The following PTPRM variants were observed in gnomAD, a reference collection of about 807,000 sequenced individuals.
The protein encoded by PTPRM is receptor-type tyrosine-protein phosphatase mu.
A neutral mutation model predicts 186.7 loss-of-function variants in PTPRM; 47 were observed. The ratio of observed to expected loss-of-function variants is 0.25; its 90% CI spans 0.20 to 0.32. PTPRM has a LOEUF of 0.32. Ranked by LOEUF, PTPRM falls within the 10% of genes least tolerant of loss-of-function variation. PTPRM has a pLI of 1.00. For synonymous variants in PTPRM, 668 were observed against 674.9 expected (o/e 0.99, Z 0.16); for missense variants, 1,494 against 1,865.0 (o/e 0.80, Z 3.66).
At chr18:7,848,742 G>A (rs528800343) in intron 2 of PTPRM, among the ~76,000 whole-genome samples, 1 of 152,266 alleles carries the variant, frequency 6.6e-6, no homozygotes, top group South Asian at 2.1e-4. Context: ...CAGCCTGTGT[G>A]ACAGACCAAA....
intron 2 of PTPRM, among the ~76,000 whole-genome samples, chr18:7,817,475 CCTG>C (rs1568172657): frequency 1.3e-5 from 2 of 152,146 alleles, no homozygotes; most frequent in Admixed American, 6.5e-5. Flanking sequence ...TTGTACTACT[CCTG>C]CTCTTTTCTA....
chr18:8,039,269 A>G (rs1378396524), intron 7 of PTPRM, among the ~76,000 whole-genome samples: 1 of 152,130 alleles, frequency 6.6e-6, no homozygotes, highest in Non-Finnish European at 1.5e-5. Flanking sequence ...AGATTACTGT[A>G]TTTCTCTCCT....
At chr18:8,390,961 AT>A in intron 31 of PTPRM, among the ~76,000 whole-genome samples, 3 of 149,812 alleles carry the variant, frequency 2.0e-5, no homozygotes, top group African/African-American at 7.3e-5. Context: ...AATAATAATA[AT>A]AATAATAAAG....
rs1200252394 is a variant in PTPRM, at chr18:7,947,609, A to T, written c.664-1572A>T. Among the ~76,000 whole-genome samples, 3 of 152,236 alleles carry T rather than the reference A, an allele frequency of 2.0e-5. No homozygotes were observed. The East Asian group carries it at 5.8e-4, about 29-fold the overall frequency. Reference sequence around the variant, plus strand: ...TAGCTCCACTGGCTGCCTTAACTTCATCCAAAGCCTTCATCTCTTTCTCAC... The same window carrying T: ...TAGCTCCACTGGCTGCCTTAACTTCTTCCAAAGCCTTCATCTCTTTCTCAC... On this transcript the variant is annotated intron_variant, in intron 5 of 32. Coordinates refer to ENST00000580170, the MANE Select transcript of PTPRM (RefSeq NM_001105244.2).
At chr18:8,142,328 G>A (rs1363236857) in intron 13 of PTPRM, among the ~76,000 whole-genome samples, 1 of 152,088 alleles carries the variant, frequency 6.6e-6, no homozygotes, top group East Asian at 1.9e-4. Context: ...CTTCTTCCCT[G>A]ACCTTGACTC....
intron 2 of PTPRM, among the ~76,000 whole-genome samples, chr18:7,851,556 C>G (rs1053683141): frequency 5.9e-5 from 9 of 151,636 alleles, no homozygotes; most frequent in African/African-American, 2.2e-4. Flanking sequence ...CTGCAAGGTA[C>G]AGAAAGGAAA....
In PTPRM at chr18:7,767,903, G is replaced by GTTAAT. The variant is rs200136073; in HGVS notation, c.74-6246_74-6245insTTAAT. ...CAGGGCTGGATGGTTTGTGGAGGAA[G>GTTAAT]GTTAAGATTGTTTTTGTTGTTCAGA... is the stretch of plus-strand genomic sequence containing the variant. On this transcript the variant is annotated intron_variant, in intron 1 of 32. Coordinates refer to ENST00000580170, the MANE Select transcript of PTPRM (RefSeq NM_001105244.2). Among the ~76,000 whole-genome samples the GTTAAT allele has an allele frequency of 1.9e-3, 294 of 152,244 alleles. 6 individuals carry two copies. The East Asian group carries it at 0.032, about 17-fold the overall frequency.
At chr18:8,172,110 G>A (rs2093409986) in intron 14 of PTPRM, among the ~76,000 whole-genome samples, 1 of 152,046 alleles carries the variant, frequency 6.6e-6, no homozygotes, top group Non-Finnish European at 1.5e-5. Flanking sequence ...GCAATATAAA[G>A]ACATACCCGA....
chr18:7,953,975 TAC>T (rs2053146251), intron 6 of PTPRM, among the ~76,000 whole-genome samples: 1 of 152,152 alleles, frequency 6.6e-6, no homozygotes, highest in South Asian at 2.1e-4. Flanking sequence ...CACCCATAGA[TAC>T]AGTCTTGAAA....
At chr18:7,729,989 G>GA (rs537926973) in intron 1 of PTPRM, among the ~76,000 whole-genome samples, 28 of 151,862 alleles carry the variant, frequency 1.8e-4, no homozygotes, top group Non-Finnish European at 3.8e-4. Context: ...AATATTTATG[G>GA]AAAAAAAATC....
At chr18:8,321,020 C>G (rs1172993567) in intron 22 of PTPRM, among the ~76,000 whole-genome samples, 3 of 152,112 alleles carry the variant, frequency 2.0e-5, no homozygotes, top group African/African-American at 7.2e-5. Flanking sequence ...ATCTCCTAAC[C>G]CTGCTGCTTC....
intron 2 of PTPRM, among the ~76,000 whole-genome samples, chr18:7,858,889 C>T (rs147091273): frequency 1.2e-4 from 19 of 152,160 alleles, no homozygotes; most frequent in African/African-American, 3.9e-4. Flanking sequence ...TCCCAGTGGA[C>T]GATTAGCTAG....
intron 7 of PTPRM, among the ~76,000 whole-genome samples, chr18:8,018,305 G>A (rs1261557772): frequency 6.6e-6 from 1 of 152,124 alleles, no homozygotes; most frequent in Non-Finnish European, 1.5e-5. Context: ...ATAATATTAG[G>A]TATTTGGGGG....
At chr18:7,585,763 C>T (rs116929671) in intron 1 of PTPRM, among the ~76,000 whole-genome samples, 3,367 of 152,224 alleles carry the variant, frequency 0.022, 81 homozygotes, top group East Asian at 0.12. Flanking sequence ...GTGGCCAGGC[C>T]GCTTGTCATC....
Position 7,668,997 on chromosome 18 carries a change from T to C in PTPRM, c.73+101106T>C, listed in dbSNP as rs984246883. Among the ~76,000 whole-genome samples the C allele has an allele frequency of 2.6e-5, 4 of 152,000 alleles. No individual in the cohort carries two copies. The highest frequency in any genetic ancestry group is 5.9e-5 in the Non-Finnish European group (4 of 67,992). The stretch of plus-strand genomic sequence containing the variant: ...ATAGTAGGAGCTCTATAAACATTTG[T>C]TGAATGAGTGAATGACTGAGTTTCC... On this transcript the variant is annotated intron_variant, in intron 1 of 32. Coordinates refer to ENST00000580170, the MANE Select transcript of PTPRM (RefSeq NM_001105244.2). This position sits in a 1 kb window ranked among gnomAD's most constrained non-coding sequence, Gnocchi z 4.7.
At chr18:7,680,860 TC>T (rs568438890) in intron 1 of PTPRM, among the ~76,000 whole-genome samples, 59 of 152,320 alleles carry the variant, frequency 3.9e-4, no homozygotes, top group African/African-American at 1.3e-3. Flanking sequence ...GTGTTGCTTT[TC>T]CTTCCCCCAC....
chr18:8,368,153 A>G (rs1364178534), intron 23 of PTPRM, among the ~76,000 whole-genome samples: 1 of 151,392 alleles, frequency 6.6e-6, no homozygotes, highest in African/African-American at 2.4e-5. Context: ...TGAAGTCACA[A>G]AAAGGTAAAA....
intron 1 of PTPRM, among the ~76,000 whole-genome samples, chr18:7,689,742 A>G (rs1247625600): frequency 6.6e-6 from 1 of 152,250 alleles, no homozygotes; most frequent in African/African-American, 2.4e-5. Flanking sequence ...GTCTGTTGAC[A>G]TGACTGCCTT....
chr18:7,943,173 C>A (rs142130470), intron 5 of PTPRM, among the ~76,000 whole-genome samples: 1 of 152,252 alleles, frequency 6.6e-6, no homozygotes, highest in Non-Finnish European at 1.5e-5. Flanking sequence ...TTCCCCACTC[C>A]TTTCTGATTT....
Sources: gnomAD v4.1 joint callset for allele counts (sites outside exome capture counted in the v4.1 genomes callset) on GRCh38, gnomAD v4.1.1 for gene constraint, Gnocchi (gnomAD v3.1) non-coding constraint, MANE v1.5 for transcripts, NCBI Gene and HGNC (gene_info 2026-07-23, HGNC 2026-07-21) for gene names.